CTR9: variants seen among roughly 807,000 people sequenced by gnomAD.
CTR9 encodes the protein RNA polymerase-associated protein CTR9 homolog.
CTR9 carries 41 observed loss-of-function variants against 152.1 expected under a neutral mutation model. The ratio of observed to expected loss-of-function variants is 0.27; its 90% CI spans 0.21 to 0.35. CTR9 has a LOEUF of 0.35. Among genes scored for constraint, CTR9 ranks in the 10% least tolerant of loss-of-function variants. The pLI is 1.00. For missense variants in CTR9, 917 were observed against 1,424.4 expected (o/e 0.64, Z 5.73); for synonymous variants, 476 against 496.2 (o/e 0.96, Z 0.54).
At chr11:10,758,238 C>T (rs1230432339) in intron 5 of CTR9, among the ~76,000 whole-genome samples, 1 of 152,026 alleles carries the variant, frequency 6.6e-6, no homozygotes, top group Admixed American at 6.6e-5. Context: ...GTGATCTGAC[C>T]TATATTTAAA....
Position 10,775,575 on chromosome 11 carries a change from A to G in CTR9, c.3037A>G (p.Ile1013Val), listed in dbSNP as rs777887573. 1 of 1,613,946 alleles carries G rather than the reference A, an allele frequency of 6.2e-7. No homozygotes were observed. The highest frequency in any genetic ancestry group is 2.2e-5 in the East Asian group (1 of 44,870). ...SMKGKIKSKA[I>V]ISSSDDSSDE... is the part of the protein sequence containing the mutation. Reference sequence around the variant, plus strand: ...GAAGGGAAAAATAAAATCCAAAGCCATAATTTCATCAAGTGATGACTCTTC... The same window carrying G: ...GAAGGGAAAAATAAAATCCAAAGCCGTAATTTCATCAAGTGATGACTCTTC... The change falls in exon 24 of 25, where the codon ATA becomes GTA. Residue 1013 changes from isoleucine (I) to valine (V), a missense_variant. Physicochemically the swap from Ile to Val is conservative, Grantham distance 29. This residue lies in a region of CTR9 where 384 missense variants were observed against 398.4 expected (regional missense o/e 0.96). Transcript: ENST00000361367.
At position 10,764,639 on chromosome 11, in the gene CTR9, A is replaced by T; in HGVS notation, c.1505A>T (p.Asn502Ile). 1 of 1,613,670 alleles carries T rather than the reference A, an allele frequency of 6.2e-7. No homozygotes were observed. Among genetic ancestry groups the T allele is most frequent in the Non-Finnish European group, 8.5e-7 (1 of 1,179,682 alleles). Reference protein sequence around the residue: ...YNAISVTTSYNLARLYEAMCE... With the variant: ...YNAISVTTSYILARLYEAMCE... ...GCCATTTCCGTTACCACGTCATATA[A>T]TCTCGCCAGGCTATATGAGGCGATG... Residue 502 changes from asparagine to isoleucine, a missense_variant, in exon 12 of 25, where the codon AAT (asparagine) becomes ATT (isoleucine). By Grantham distance (149) the Asn-to-Ile change is moderately radical (BLOSUM62 -3). Coordinates refer to ENST00000361367, the MANE Select transcript of CTR9 (RefSeq NM_014633.5).
In CTR9 at chr11:10,779,053, A is replaced by C. The variant is rs541490334; in HGVS notation, c.3470A>C (p.Asn1157Thr). ...SGNESEPEGS[N>T]NEASDRGSEH... is the part of the protein sequence containing the mutation. The stretch of plus-strand genomic sequence containing the variant: ...AATGAATCGGAACCAGAGGGATCCA[A>C]CAATGAGGCCTCAGATAGAGGCTCA... Residue 1157 changes from asparagine to threonine, a missense_variant, in exon 25 of 25, where the codon AAC becomes ACC. Physicochemically the swap from Asn to Thr is moderately conservative, Grantham distance 65. Coordinates refer to ENST00000361367, the MANE Select transcript of CTR9 (RefSeq NM_014633.5). 9.1e-5 allele frequency: 147 copies of C among 1,614,086 alleles called. 1 individual carries two copies. Among genetic ancestry groups the C allele is most frequent in the Middle Eastern group, 4.9e-4 (3 of 6,080 alleles).
chr11:10,765,927 A>ATTTCCT (rs1315730464), intron 12 of CTR9, among the ~76,000 whole-genome samples: 75 of 152,372 alleles, frequency 4.9e-4, no homozygotes, highest in Non-Finnish European at 9.1e-4. Flanking sequence ...TAGAGAAAAC[A>ATTTCCT]ACAACTTACA....
chr11:10,775,236 A>G lies in CTR9; in HGVS notation c.2915A>G (p.Asp972Gly), dbSNP rs146123304. 8.7e-6 allele frequency: 14 copies of G among 1,613,836 alleles called. No homozygotes were observed. Among genetic ancestry groups the G allele is most frequent in the Admixed American group, 1.7e-5 (1 of 59,996 alleles). ...RHPKGEEGSD[D>G]DETENGPKPK... Reference sequence around the variant, plus strand: ...CCAAAGGGAGAAGAAGGATCTGATGATGATGAAACAGAAAATGGCCCCAAA... The same window carrying G: ...CCAAAGGGAGAAGAAGGATCTGATGGTGATGAAACAGAAAATGGCCCCAAA... Residue 972 changes from aspartate to glycine, a missense_variant, in exon 23 of 25, where the codon GAT (aspartate) becomes GGT (glycine). By Grantham distance (94) the Asp-to-Gly change is moderately conservative (BLOSUM62 -1). Transcript: ENST00000361367.
chr11:10,767,683 GA>G lies in CTR9; in HGVS notation c.1687-120del. 1 of 812,512 alleles carries G rather than the reference GA, an allele frequency of 1.2e-6. No individual in the cohort carries two copies. Among genetic ancestry groups the G allele is most frequent in the Non-Finnish European group, 1.9e-6 (1 of 523,602 alleles). 50.3% of individuals were successfully genotyped at this position (812,512 alleles called of 1,614,324 possible). A position where few individuals can be genotyped will look rare whatever the true frequency, so the allele number is the denominator to read the frequency against. ...CAAAAAAAAAAAGAAAGAAAGAAAA[GA>G]AAGAAAACCACTGTTGTAATATAGT... On this transcript the variant is annotated intron_variant, in intron 13 of 24. Coordinates refer to ENST00000361367, the MANE Select transcript of CTR9 (RefSeq NM_014633.5). This position sits in a 1 kb window ranked among gnomAD's most constrained non-coding sequence, Gnocchi z 4.0.
chr11:10,764,872 T>C (rs895143758), intron 12 of CTR9, 141 bp downstream of exon 12: 3 of 737,960 alleles, frequency 4.1e-6, no homozygotes, highest in Non-Finnish European at 6.3e-6. Flanking sequence ...GGCAAATTTG[T>C]GGCCTTAAAA....
chr11:10,755,750 C>A lies in CTR9; in HGVS notation c.457C>A (p.His153Asn). 6.2e-7 allele frequency: 1 copy of A among 1,613,408 alleles called. No homozygotes were observed. Among genetic ancestry groups the A allele is most frequent in the Non-Finnish European group, 8.5e-7 (1 of 1,179,568 alleles). Residue 153 changes from histidine (H) to asparagine (N), a missense_variant, in exon 4 of 25, where the codon CAT (histidine) becomes AAT (asparagine). Coordinates refer to ENST00000361367, the MANE Select transcript of CTR9 (RefSeq NM_014633.5). ...DKMDQADAQF[H>N]FVLNQSPNNI... ...AATGGATCAAGCTGATGCACAGTTT[C>A]ATTTTGTACTCAATCAGTCTCCAAA...
At chr11:10,769,740 A>G (rs1020898175) in intron 16 of CTR9, among the ~76,000 whole-genome samples, 4 of 152,224 alleles carry the variant, frequency 2.6e-5, no homozygotes, top group African/African-American at 9.7e-5. Flanking sequence ...AATTAACACT[A>G]GTATTGTATT....
rs1863081563 is a variant in CTR9, at chr11:10,767,697, G to A, written c.1687-109G>A. On this transcript the variant is annotated intron_variant, in intron 13 of 24. Transcript: ENST00000361367. This position sits in a 1 kb window ranked among gnomAD's most constrained non-coding sequence, Gnocchi z 4.0. ...AAGAAAGAAAAGAAAGAAAACCACTGTTGTAATATAGTTTGTAAACCTCTT... is the reference window on the plus strand; with the variant it reads ...AAGAAAGAAAAGAAAGAAAACCACTATTGTAATATAGTTTGTAAACCTCTT... 12 of 939,698 alleles carry A rather than the reference G, an allele frequency of 1.3e-5. No individual in the cohort carries two copies. The highest frequency in any genetic ancestry group is 1.8e-5 in the Non-Finnish European group (11 of 619,570). 58.2% of individuals were successfully genotyped at this position (939,698 alleles called of 1,614,324 possible).
intron 4 of CTR9, 71 bp from the exon 5 acceptor site, chr11:10,756,676 TAA>T (rs1260267094): frequency 3.8e-5 from 37 of 970,294 alleles, no homozygotes; most frequent in Non-Finnish European, 4.8e-5. Context: ...TTAACTTAGA[TAA>T]GTTAGTGTAA....
intron 5 of CTR9, 46 bp downstream of exon 5, chr11:10,756,884 C>A: frequency 2.6e-6 from 3 of 1,169,900 alleles, no homozygotes; most frequent in Non-Finnish European, 3.8e-6. Context: ...TATTACCCAG[C>A]TTAAAGCATT....
chr11:10,769,313 G>A (rs1863106744), intron 16 of CTR9, among the ~76,000 whole-genome samples: 1 of 152,132 alleles, frequency 6.6e-6, no homozygotes, highest in Admixed American at 6.5e-5. Context: ...GCTTGAGCTC[G>A]AAATAAAAGT....
intron 16 of CTR9, 56 bp downstream of exon 16, chr11:10,768,547 T>A (rs1863095026): frequency 2.0e-6 from 3 of 1,531,474 alleles, no homozygotes; most frequent in Non-Finnish European, 2.6e-6. Flanking sequence ...AAGCAGATGT[T>A]TTCTTAGCCA....
chr11:10,764,046 C>T, intron 9 of CTR9, 66 bp from the exon 10 acceptor site: 1 of 1,488,886 alleles, frequency 6.7e-7, no homozygotes, highest in Non-Finnish European at 9.4e-7. Flanking sequence ...ACTTACATAG[C>T]CCCCACTTTT....
chr11:10,772,746 G>C (rs958120467), intron 20 of CTR9, 91 bp downstream of exon 20: 2 of 1,307,856 alleles, frequency 1.5e-6, no homozygotes. Flanking sequence ...TCTGCCAGGC[G>C]TGGTGGCTGA....
chr11:10,773,338 G>T, intron 21 of CTR9, 65 bp downstream of exon 21: 1 of 1,572,802 alleles, frequency 6.4e-7, no homozygotes, highest in Non-Finnish European at 8.6e-7. Context: ...GAGAAATGAG[G>T]ATAATTGGTT....
At chr11:10,771,716 A>G (rs1004978078) in intron 19 of CTR9, 100 bp downstream of exon 19, 40 of 803,004 alleles carry the variant, frequency 5.0e-5, no homozygotes, top group African/African-American at 5.0e-4. Context: ...CTGACCTTCC[A>G]CAGGTCAGTC....
intron 5 of CTR9, among the ~76,000 whole-genome samples, chr11:10,759,598 G>C (rs1049228903): frequency 6.6e-6 from 1 of 152,220 alleles, no homozygotes; most frequent in Non-Finnish European, 1.5e-5. Context: ...TAAGATGGCA[G>C]AACGTTTATG....
Sources: allele counts gnomAD v4.1 joint callset (sites outside exome capture counted in the v4.1 genomes callset), GRCh38; gene constraint gnomAD v4.1.1; regional missense constraint gnomAD v4.1.1; non-coding constraint Gnocchi (gnomAD v3.1); transcripts MANE v1.5; gene names NCBI Gene and HGNC (gene_info 2026-07-23, HGNC 2026-07-21).